Variants in ITGA11 observed in about 807,000 individuals in gnomAD.
ITGA11 encodes the protein integrin subunit alpha 11.
In ITGA11, 97 loss-of-function variants were observed where a neutral mutation model predicts 141.9. The observed-to-expected ratio is 0.68, with a 90% CI of 0.58 to 0.81. The LOEUF is 0.81. ITGA11 is among the 30% of genes least tolerant of loss of function. ITGA11 has a pLI of 0.00. For synonymous variants in ITGA11, 658 were observed against 624.6 expected, an observed-to-expected ratio of 1.05 and a Z score of -0.80; for missense variants, 1,387 against 1,559.2, an observed-to-expected ratio of 0.89 and a Z score of 1.86.
chr15:68,323,414 A>G (rs1173610625), intron 18 of ITGA11, among the ~76,000 whole-genome samples: 1 of 152,200 alleles, frequency 6.6e-6, no homozygotes, highest in Non-Finnish European at 1.5e-5. Context: ...GATTAAAATA[A>G]ATAATTTAAT....
At chr15:68,412,578 G>A (rs1231393643) in intron 1 of ITGA11, among the ~76,000 whole-genome samples, 4 of 151,996 alleles carry the variant, frequency 2.6e-5, no homozygotes, top group South Asian at 2.1e-4. Flanking sequence ...GTTGCTAGGG[G>A]GCATGACACG....
At chr15:68,332,523 C>G in intron 12 of ITGA11, 45 bp from the exon 13 acceptor site, 1 of 1,599,042 alleles carries the variant, frequency 6.3e-7, no homozygotes, top group Non-Finnish European at 8.5e-7. Context: ...CTGCCCAGCT[C>G]GCACAACCCA....
At chr15:68,373,828 A>G (rs1895657452) in intron 2 of ITGA11, among the ~76,000 whole-genome samples, 1 of 152,184 alleles carries the variant, frequency 6.6e-6, no homozygotes, top group African/African-American at 2.4e-5. Flanking sequence ...GAGCTGATGC[A>G]TTGACAGTGG....
At chr15:68,381,255 C>T (rs1019768737) in intron 2 of ITGA11, among the ~76,000 whole-genome samples, 2 of 152,254 alleles carry the variant, frequency 1.3e-5, no homozygotes, top group East Asian at 3.9e-4. Context: ...TCTTTTTGAC[C>T]TTTCACAGGT....
chr15:68,338,771 G>A (rs1894456680), intron 11 of ITGA11, among the ~76,000 whole-genome samples: 1 of 152,252 alleles, frequency 6.6e-6, no homozygotes, highest in South Asian at 2.1e-4. Context: ...TGGGGTCCGA[G>A]GAGGCCTCAA....
intron 20 of ITGA11, 118 bp from the exon 21 acceptor site, chr15:68,317,481 C>T: frequency 4.0e-6 from 3 of 743,944 alleles, no homozygotes; most frequent in Non-Finnish European, 7.3e-6. Context: ...GCCCCTGATA[C>T]CCATATGAAA....
chr15:68,370,098 G>A (rs1488942398), intron 2 of ITGA11, among the ~76,000 whole-genome samples: 2 of 152,188 alleles, frequency 1.3e-5, no homozygotes, highest in Non-Finnish European at 2.9e-5. Flanking sequence ...TTCTCCCCCA[G>A]AGCCTGCGGA....
At chr15:68,345,524 T>C (rs1053592417) in intron 10 of ITGA11, among the ~76,000 whole-genome samples, 2 of 152,222 alleles carry the variant, frequency 1.3e-5, no homozygotes, top group African/African-American at 4.8e-5. Context: ...TCCTTGCTCA[T>C]TAAGACGGCA....
intron 2 of ITGA11, among the ~76,000 whole-genome samples, chr15:68,381,022 C>T (rs1895849436): frequency 6.6e-6 from 1 of 152,196 alleles, no homozygotes; most frequent in Admixed American, 6.5e-5. Flanking sequence ...GGTCATCCCT[C>T]TTTGGATTCA....
At chr15:68,392,654 G>A (rs952872728) in intron 2 of ITGA11, among the ~76,000 whole-genome samples, 14 of 152,196 alleles carry the variant, frequency 9.2e-5, no homozygotes, top group African/African-American at 3.4e-4. Context: ...GCCAATGGGA[G>A]CAGAGATTTT....
intron 20 of ITGA11, among the ~76,000 whole-genome samples, chr15:68,318,842 G>C (rs933715340): frequency 6.6e-6 from 1 of 152,140 alleles, no homozygotes; most frequent in Non-Finnish European, 1.5e-5. Flanking sequence ...TGAGATCCTC[G>C]AGGACAGAGG....
chr15:68,350,046 T>C (rs1894855024), intron 9 of ITGA11, among the ~76,000 whole-genome samples: 1 of 152,236 alleles, frequency 6.6e-6, no homozygotes, highest in Admixed American at 6.5e-5. Context: ...GTGAGAACTT[T>C]GGCAGGTCAC....
At chr15:68,374,199 C>T (rs1895669333) in intron 2 of ITGA11, among the ~76,000 whole-genome samples, 1 of 152,216 alleles carries the variant, frequency 6.6e-6, no homozygotes, top group South Asian at 2.1e-4. Flanking sequence ...TGGGTGGAAT[C>T]ACCAGCACCA....
intron 12 of ITGA11, 100 bp from the exon 13 acceptor site, chr15:68,332,578 A>G (rs1171385979): frequency 7.1e-7 from 1 of 1,398,854 alleles, no homozygotes; most frequent in African/African-American, 1.4e-5. Context: ...TCATCCTTTG[A>G]CTCAGAATTT....
Position 68,310,893 on chromosome 15 carries a change from T to C in ITGA11, c.3174+101A>G, listed in dbSNP as rs139961527. ...GTACATACAGGTGCTCAGTAAGCTCTTATTGGCAAGCTATTGGGTCGGGAG... is the reference window on the plus strand; with the variant it reads ...GTACATACAGGTGCTCAGTAAGCTCCTATTGGCAAGCTATTGGGTCGGGAG... On this transcript the variant is annotated intron_variant, in intron 26 of 29. Coordinates refer to ENST00000315757, the MANE Select transcript of ITGA11 (RefSeq NM_001004439.2). The C allele has an allele frequency of 2.7e-4, 239 of 871,882 alleles. No homozygotes were observed. The African/African-American group carries it at 3.6e-3, about 13-fold the overall frequency. The allele number at this position is 871,882 out of a possible 1,614,324, so 54.0% of individuals were successfully genotyped here. A position where few individuals can be genotyped will look rare whatever the true frequency, so the allele number is the denominator to read the frequency against.
rs142264040 is a variant in ITGA11, at chr15:68,407,655, C to A, written c.53-4626G>T. On this transcript the variant is annotated intron_variant, in intron 1 of 29. Transcript: ENST00000315757. Reference sequence around the variant, plus strand: ...TATTGATGACAGAGGGGGAAAAAAACCACAATTCCTGGGCTGCTCTCCTGT... The same window carrying A: ...TATTGATGACAGAGGGGGAAAAAAAACACAATTCCTGGGCTGCTCTCCTGT... Among the ~76,000 whole-genome samples, 773 of 152,278 alleles carry A rather than the reference C, an allele frequency of 5.1e-3. 7 individuals are homozygous for A. The highest frequency in any genetic ancestry group is 0.018 in the African/African-American group (740 of 41,560).
In ITGA11 at chr15:68,333,450, G is replaced by T. The variant is rs74351283; in HGVS notation, c.1426-972C>A. Among the ~76,000 whole-genome samples, 1 of 152,162 alleles carries T rather than the reference G, an allele frequency of 6.6e-6. No homozygotes were observed. Among genetic ancestry groups the T allele is most frequent in the Admixed American group, 6.5e-5 (1 of 15,280 alleles). On this transcript the variant is annotated intron_variant, in intron 12 of 29. Transcript: ENST00000315757. This position sits in a 1 kb window ranked among gnomAD's most constrained non-coding sequence, Gnocchi z 4.2. ...ATTAGCATCGTGGATGGTGAATTAT[G>T]ATTTCTTTCAGTGTCTGAGCACTTG...
rs770554552 is a variant in ITGA11, at chr15:68,321,443, C to T, written c.2383G>A (p.Ala795Thr). The T allele has an allele frequency of 3.1e-6, 5 of 1,591,330 alleles. No individual in the cohort carries two copies. Residue 795 changes from alanine to threonine, a missense_variant, in exon 19 of 30, where the codon GCC (alanine) becomes ACC (threonine). By Grantham distance (58) the Ala-to-Thr change is moderately conservative (BLOSUM62 0). Coordinates refer to ENST00000315757, the MANE Select transcript of ITGA11 (RefSeq NM_001004439.2). This position sits in a 1 kb window ranked among gnomAD's most constrained non-coding sequence, Gnocchi z 4.9. ...EHCVPDLVLD[A>T]RSDLPTAMEY... is the part of the protein sequence containing the mutation. ...ATGGCCGTGGGCAGGTCACTCCGGG[C>T]ATCCAACACAAGGTCAGGGACACAG...
rs1384987742 is a variant in ITGA11 at position 68,297,477 on chromosome 15, T to G, written c.*5582A>C. 6.8e-6 allele frequency: 1 copy of G among 147,254 alleles called. No homozygotes were observed. Among genetic ancestry groups the G allele is most frequent in the Non-Finnish European group, 1.5e-5 (1 of 67,048 alleles). The allele number at this position is 147,254 out of a possible 1,614,324, so 9.1% of individuals were successfully genotyped here. A position where few individuals can be genotyped will look rare whatever the true frequency, so the allele number is the denominator to read the frequency against. ...TTATCCAAAAGAAAGCTATGTCTGG[T>G]TAGGTAAATCATACACCTGTATCCA... On this transcript the variant is annotated 3_prime_UTR_variant, in exon 30 of 30. Transcript: ENST00000315757.
Sources: gnomAD v4.1 joint callset for allele counts (sites outside exome capture counted in the v4.1 genomes callset) on GRCh38, gnomAD v4.1.1 for gene constraint, Gnocchi (gnomAD v3.1) non-coding constraint, MANE v1.5 for transcripts, NCBI Gene and HGNC (gene_info 2026-07-23, HGNC 2026-07-21) for gene names.